The following AVEN variants were observed in gnomAD, a reference collection of about 807,000 sequenced individuals.
The protein encoded by AVEN is apoptosis and caspase activation inhibitor.
AVEN carries 41 observed loss-of-function variants against 38.1 expected under a neutral mutation model. The observed-to-expected ratio is 1.08, with a 90% CI of 0.84 to 1.40. The LOEUF (loss-of-function observed/expected upper bound fraction) is 1.40, where lower values mean the gene tolerates loss of function less well. Ranked by LOEUF, AVEN falls within the 40% of genes most tolerant of loss-of-function variation. The pLI, the probability that AVEN is intolerant of heterozygous loss-of-function variation, is 0.00. For missense variants in AVEN, 605 were observed against 438.8 expected, an observed-to-expected ratio of 1.38 and a Z score of -3.38; for synonymous variants, 206 against 171.8, an observed-to-expected ratio of 1.20 and a Z score of -1.56.
intron 2 of AVEN, among the ~76,000 whole-genome samples, chr15:33,905,260 T>A (rs1327413553): frequency 1.3e-5 from 2 of 152,144 alleles, no homozygotes; most frequent in Non-Finnish European, 2.9e-5. Flanking sequence ...AAACTGAGTT[T>A]AAACTGCTGT....
chr15:33,951,400 C>A (rs1220373770), intron 2 of AVEN, among the ~76,000 whole-genome samples: 2 of 151,734 alleles, frequency 1.3e-5, no homozygotes, highest in Non-Finnish European at 2.9e-5. Flanking sequence ...ATTTCATACA[C>A]CGGGGCCTGT....
rs995422520 is a variant in AVEN, at chr15:34,028,933, A to T, written c.267+9847T>A. ...AATTGGGAGAGAAAGTAAGGCAAAA[A>T]GCAGAACACTTACTTGGTTTTGAGA... On this transcript the variant is annotated intron_variant, in intron 1 of 5. Transcript: ENST00000306730. Among the ~76,000 whole-genome samples the T allele has an allele frequency of 8.5e-5, 13 of 152,316 alleles. No homozygotes were observed. In the East Asian group the frequency reaches 2.1e-3, roughly 25 times the overall value.
intron 2 of AVEN, among the ~76,000 whole-genome samples, chr15:33,960,898 T>G (rs947142768): frequency 5.3e-5 from 8 of 152,260 alleles, no homozygotes; most frequent in Admixed American, 5.2e-4. Context: ...TTTGTTCAAC[T>G]GAGGACTAAA....
intron 2 of AVEN, among the ~76,000 whole-genome samples, chr15:33,910,382 A>AAACACATTT (rs1892873339): frequency 1.3e-5 from 2 of 152,206 alleles, no homozygotes; most frequent in South Asian, 4.1e-4. Context: ...AATACAAAGC[A>AAACACATTT]AACACATTTA....
At chr15:33,977,875 C>T (rs529976775) in intron 2 of AVEN, among the ~76,000 whole-genome samples, 3 of 151,502 alleles carry the variant, frequency 2.0e-5, no homozygotes, top group Non-Finnish European at 2.9e-5. Context: ...AGGTCAAAGC[C>T]GCAGCAAGCT....
At chr15:33,977,924 G>A (rs1394668674) in intron 2 of AVEN, among the ~76,000 whole-genome samples, 1 of 149,086 alleles carries the variant, frequency 6.7e-6, no homozygotes, top group Non-Finnish European at 1.5e-5. Context: ...GTGACAGAAC[G>A]AGCCCTGTCA....
intron 2 of AVEN, among the ~76,000 whole-genome samples, chr15:33,968,503 G>A (rs1482668753): frequency 6.6e-6 from 1 of 152,048 alleles, no homozygotes; most frequent in African/African-American, 2.4e-5. Context: ...CTTCATTCAT[G>A]CCAAGTACGC....
At chr15:33,858,419 C>A (rs563011864), downstream of AVEN, among the ~76,000 whole-genome samples, 1 of 151,972 alleles carries the variant, frequency 6.6e-6, no homozygotes, top group African/African-American at 2.4e-5. Flanking sequence ...GTTGGTCAGG[C>A]TGGTCTCAAA....
At chr15:33,893,879 G>C (rs772996861) in intron 2 of AVEN, among the ~76,000 whole-genome samples, 12 of 151,954 alleles carry the variant, frequency 7.9e-5, no homozygotes, top group Non-Finnish European at 7.4e-5. Context: ...CAATTCATCA[G>C]TGACACCAAG....
intron 5 of AVEN, chr15:34,062,618 G>C (rs1435652495): frequency 9.6e-7 from 1 of 1,037,744 alleles, no homozygotes; most frequent in African/African-American, 1.6e-5. Flanking sequence ...GGTGTGCGAA[G>C]CTAATGTGTT....
chr15:33,975,674 G>A (rs144099431), intron 2 of AVEN, among the ~76,000 whole-genome samples: 44 of 152,204 alleles, frequency 2.9e-4, no homozygotes, highest in Non-Finnish European at 5.6e-4. Context: ...GCTCACGCCT[G>A]TAATCCCAGC....
At chr15:33,880,973 A>G (rs982371284) in intron 2 of AVEN, among the ~76,000 whole-genome samples, 2 of 152,254 alleles carry the variant, frequency 1.3e-5, no homozygotes, top group African/African-American at 4.8e-5. Flanking sequence ...AGTTACCTAA[A>G]TACCACAAAA....
At chr15:33,954,331 T>C (rs1243806759) in intron 2 of AVEN, among the ~76,000 whole-genome samples, 1 of 152,340 alleles carries the variant, frequency 6.6e-6, no homozygotes, top group East Asian at 1.9e-4. Flanking sequence ...TAAATCATGC[T>C]ACTATAAAGA....
intron 2 of AVEN, among the ~76,000 whole-genome samples, chr15:33,933,540 G>C (rs1269285205): frequency 0.017 from 1,680 of 100,518 alleles, 10 homozygotes; most frequent in African/African-American, 0.043. Context: ...GAGAGAGAGA[G>C]AGAGAGAGAG....
At chr15:33,888,497 G>A (rs1469317235) in intron 2 of AVEN, among the ~76,000 whole-genome samples, 1 of 152,198 alleles carries the variant, frequency 6.6e-6, no homozygotes, top group Admixed American at 6.5e-5. Flanking sequence ...TGTGGGATGT[G>A]CAAGCAATTT....
intron 2 of AVEN, among the ~76,000 whole-genome samples, chr15:33,946,800 G>A (rs574869696): frequency 8.5e-4 from 129 of 152,264 alleles, no homozygotes; most frequent in Middle Eastern, 3.4e-3. Flanking sequence ...TGCGGGGAGC[G>A]GTTAGGCAAG....
chr15:33,965,218 A>C (rs1328327876), intron 2 of AVEN, among the ~76,000 whole-genome samples: 1 of 152,342 alleles, frequency 6.6e-6, no homozygotes. Context: ...TAAGTCAACA[A>C]AGGTTTGATT....
intron 1 of AVEN, chr15:34,007,070 T>C (rs530400234): frequency 2.5e-5 from 25 of 984,384 alleles, no homozygotes; most frequent in African/African-American, 3.5e-5. Context: ...ACTGGTTGCA[T>C]TGTTCAGAGA....
intron 2 of AVEN, among the ~76,000 whole-genome samples, chr15:33,990,013 G>A (rs1314899303): frequency 6.6e-6 from 1 of 151,718 alleles, no homozygotes; most frequent in Non-Finnish European, 1.5e-5. Flanking sequence ...GACCAGCCTG[G>A]CCAACATGGT....
Sources: gnomAD v4.1 joint callset for allele counts (sites outside exome capture counted in the v4.1 genomes callset) on GRCh38, gnomAD v4.1.1 for gene constraint, MANE v1.5 for transcripts, NCBI Gene and HGNC (gene_info 2026-07-23, HGNC 2026-07-21) for gene names.